The following PJVK variants were observed in gnomAD, a reference collection of about 807,000 sequenced individuals.
PJVK encodes autosomal recessive deafness type 59 protein.
In PJVK, 33 loss-of-function variants were observed where a neutral mutation model predicts 37.6. The ratio of observed to expected loss-of-function variants is 0.88; its 90% CI spans 0.67 to 1.17. The LOEUF is 1.17. Ranked by LOEUF, PJVK falls within the 50% of genes most tolerant of loss-of-function variation. The pLI, the probability that PJVK is intolerant of heterozygous loss-of-function variation, is 0.00. For synonymous variants in PJVK, 141 were observed against 143.5 expected (o/e 0.98, Z 0.13); for missense variants, 410 against 413.8 (o/e 0.99, Z 0.08).
In PJVK at chr2:178,461,870, A is replaced by G. The variant is rs531617479; in HGVS notation, c.*596A>G. ...AGTGCTGGGATTACAGGCATGGGCC[A>G]CCGTGCCTGGCCTAGATAACTTTTT... On this transcript the variant is annotated 3_prime_UTR_variant, in exon 7 of 7. Coordinates refer to ENST00000644580, the MANE Select transcript of PJVK (RefSeq NM_001042702.5). 6.6e-6 allele frequency among the ~76,000 whole-genome samples: 1 copy of G among 152,280 alleles called. No individual in the cohort carries two copies. Among genetic ancestry groups the G allele is most frequent in the African/African-American group, 2.4e-5 (1 of 41,554 alleles).
chr2:178,453,114 G>A, intron 1 of PJVK: 1 of 372,670 alleles, frequency 2.7e-6, no homozygotes, highest in Non-Finnish European at 5.1e-6. Context: ...CATAGACATT[G>A]GTCATATTTT....
chr2:178,458,715 C>T, intron 5 of PJVK, 88 bp downstream of exon 5: 4 of 1,062,678 alleles, frequency 3.8e-6, no homozygotes, highest in Non-Finnish European at 5.9e-6. Flanking sequence ...TCTTTTCTCT[C>T]ATTTCTCGTG....
intron 2 of PJVK, 39 bp from the exon 3 acceptor site, chr2:178,454,293 T>C: frequency 1.3e-6 from 2 of 1,539,688 alleles, no homozygotes; most frequent in Non-Finnish European, 1.8e-6. Context: ...CTACATAAGA[T>C]AAAGATGTTT....
chr2:178,457,404 C>A (rs1684182671), intron 4 of PJVK, among the ~76,000 whole-genome samples: 1 of 152,098 alleles, frequency 6.6e-6, no homozygotes, highest in African/African-American at 2.4e-5. Context: ...CAGCTTGGGA[C>A]CAGGAGTTCA....
chr2:178,459,099 A>G, intron 5 of PJVK: 1 of 467,676 alleles, frequency 2.1e-6, no homozygotes, highest in South Asian at 1.6e-5. Flanking sequence ...ACTCTTCCTA[A>G]AAAATAACTT....
At position 178,454,390 on chromosome 2, in the gene PJVK, A is replaced by C; in HGVS notation, c.270A>C (p.Gly90=). 1 of 1,613,950 alleles carries C rather than the reference A, an allele frequency of 6.2e-7. No homozygotes were observed. Among genetic ancestry groups the C allele is most frequent in the Non-Finnish European group, 8.5e-7 (1 of 1,179,916 alleles). ...ATGAATCAGATGTTTCACTCTATGG[A>C]AGGCGAGGTAACCATATTGTAAATG... ...YEDESDVSLY[G]RRGNHIVNDV... Residue 90 remains glycine (G), a synonymous_variant, in exon 3 of 7, where the codon GGA becomes GGC. Coordinates refer to ENST00000644580, the MANE Select transcript of PJVK (RefSeq NM_001042702.5).
chr2:178,461,232 T>C lies in PJVK; in HGVS notation c.1017T>C (p.His339=). 6.2e-7 allele frequency: 1 copy of C among 1,614,190 alleles called. No individual in the cohort carries two copies. Among genetic ancestry groups the C allele is most frequent in the Non-Finnish European group, 8.5e-7 (1 of 1,180,022 alleles). The stretch of plus-strand genomic sequence containing the variant: ...ATGGTCAGAAGTATGTGAGACTTCA[T>C]GCAGTTCCTTGTTTTGATATTTGGC... ...SVDGQKYVRL[H]AVPCFDIWHK... The change falls in exon 7 of 7, where the codon CAT becomes CAC. Residue 339 remains histidine, a synonymous_variant. Coordinates refer to ENST00000644580, the MANE Select transcript of PJVK (RefSeq NM_001042702.5).
At position 178,461,276 on chromosome 2, in the gene PJVK, A is replaced by C. The variant is rs200811582; in HGVS notation, c.*2A>C. 616 of 1,613,996 alleles carry C rather than the reference A, an allele frequency of 3.8e-4. 7 individuals carry two copies. In the East Asian group the frequency reaches 9.9e-3, roughly 26 times the overall value. ...ATTTGGCACAAGAGGATGAAATAAAATGAAAAATGAATACACCGTGTTGGT... is the reference window on the plus strand; with the variant it reads ...ATTTGGCACAAGAGGATGAAATAAACTGAAAAATGAATACACCGTGTTGGT... On this transcript the variant is annotated 3_prime_UTR_variant, in exon 7 of 7. Coordinates refer to ENST00000644580, the MANE Select transcript of PJVK (RefSeq NM_001042702.5).
At position 178,454,515 on chromosome 2, in the gene PJVK, A is replaced by G. The variant is rs1697928267; in HGVS notation, c.395A>G (p.Glu132Gly). The G allele has an allele frequency of 6.2e-7, 1 of 1,613,666 alleles. No individual in the cohort carries two copies. Among genetic ancestry groups the G allele is most frequent in the African/African-American group, 1.3e-5 (1 of 75,054 alleles). Residue 132 changes from glutamate (E) to glycine (G), a missense_variant, in exon 3 of 7, where the codon GAA becomes GGA. By Grantham distance (98) the Glu-to-Gly change is moderately conservative. Coordinates refer to ENST00000644580, the MANE Select transcript of PJVK (RefSeq NM_001042702.5). ...GTGGAAGTATCAACATTACTCAAAG[A>G]AATTACTACACGGTCAGTATAATAA... ...HEVEVSTLLK[E>G]ITTRKINFDH...
intron 1 of PJVK, chr2:178,452,618 T>TG (rs1177993661): frequency 1.0e-6 from 1 of 985,208 alleles, no homozygotes; most frequent in Non-Finnish European, 1.2e-6. Context: ...GGCCAGAACT[T>TG]TATATAGCTC....
intron 5 of PJVK, among the ~76,000 whole-genome samples, chr2:178,459,468 A>G (rs530080021): frequency 3.9e-5 from 6 of 152,338 alleles, no homozygotes; most frequent in Non-Finnish European, 5.9e-5. Context: ...TGATACGGGC[A>G]TACAGTGCAT....
Position 178,461,557 on chromosome 2 carries a change from G to A in PJVK, c.*283G>A, listed in dbSNP as rs556284667. On this transcript the variant is annotated 3_prime_UTR_variant, in exon 7 of 7. Transcript: ENST00000644580. ...TGCCAGTCACTTTAGAATCATTTTTGGGATGTAGTCTATCATTTTAGTTCA... is the reference window on the plus strand; with the variant it reads ...TGCCAGTCACTTTAGAATCATTTTTAGGATGTAGTCTATCATTTTAGTTCA... 10 of 335,262 alleles carry A rather than the reference G, an allele frequency of 3.0e-5. No individual in the cohort carries two copies. Among genetic ancestry groups the A allele is most frequent in the African/African-American group, 2.0e-4 (9 of 44,638 alleles). The allele number at this position is 335,262 out of a possible 1,614,324, so 20.8% of individuals were successfully genotyped here.
chr2:178,457,093 C>T (rs1229290729), intron 4 of PJVK, among the ~76,000 whole-genome samples: 3 of 152,050 alleles, frequency 2.0e-5, no homozygotes, highest in Non-Finnish European at 4.4e-5. Context: ...CTCAGCCTCC[C>T]GAGTAGCTGG....
chr2:178,452,622 A>T (rs1379883163), intron 1 of PJVK: 1 of 985,282 alleles, frequency 1.0e-6, no homozygotes, highest in Non-Finnish European at 1.2e-6. Context: ...AGAACTTTAT[A>T]TAGCTCTTGT....
At position 178,461,584 on chromosome 2, in the gene PJVK, CT is replaced by C. The variant is rs536141412; in HGVS notation, c.*328del. ...GATGTAGTCTATCATTTTAGTTCACCTTTTTTTTTTTTTTTTTTGAGACAGA... is the reference window on the plus strand; with the variant it reads ...GATGTAGTCTATCATTTTAGTTCACCTTTTTTTTTTTTTTTTTGAGACAGA... On this transcript the variant is annotated 3_prime_UTR_variant, in exon 7 of 7. Coordinates refer to ENST00000644580, the MANE Select transcript of PJVK (RefSeq NM_001042702.5). Among the ~76,000 whole-genome samples the C allele has an allele frequency of 9.0e-3, 1,100 of 122,760 alleles. 8 individuals are homozygous for C. Among genetic ancestry groups the C allele is most frequent in the South Asian group, 0.033 (127 of 3,796 alleles). The allele number at this position is 122,760 out of a possible 152,430, so 80.5% of individuals were successfully genotyped here.
chr2:178,456,318 A>T lies in PJVK; in HGVS notation c.549+167A>T, dbSNP rs914371929. The stretch of plus-strand genomic sequence containing the variant: ...AATGTCTGTTCTAGAATATGAAAAA[A>T]AAAAACAAATCTTGGGATTCTAAAC... On this transcript the variant is annotated intron_variant, in intron 4 of 6. Coordinates refer to ENST00000644580, the MANE Select transcript of PJVK (RefSeq NM_001042702.5). 37 of 826,584 alleles carry T rather than the reference A, an allele frequency of 4.5e-5. 1 individual carries two copies. Among genetic ancestry groups the T allele is most frequent in the Non-Finnish European group, 7.0e-5 (37 of 530,190 alleles). The allele number at this position is 826,584 out of a possible 1,614,324, so 51.2% of individuals were successfully genotyped here.
At chr2:178,460,560 C>T (rs1243423382) in intron 6 of PJVK, 114 bp downstream of exon 6, 3 of 1,045,128 alleles carry the variant, frequency 2.9e-6, no homozygotes, top group Non-Finnish European at 4.3e-6. Flanking sequence ...ATTTAAAAGC[C>T]TGGCTGGTAT....
chr2:178,461,001 C>A lies in PJVK; in HGVS notation c.786C>A (p.Val262=). 6.2e-7 allele frequency: 1 copy of A among 1,613,744 alleles called. No homozygotes were observed. The highest frequency in any genetic ancestry group is 1.1e-5 in the South Asian group (1 of 91,026). The change falls in exon 7 of 7, where the codon GTC becomes GTA. Residue 262 remains valine (V), a synonymous_variant. Transcript: ENST00000644580. ...TTTTAGATAGAAGAGTGATGGATGT[C>A]ATTTCTCGTTCACAGCTTTACTTGG... ...LFERNRRVMD[V]ISRSQLYLDD... is the part of the protein sequence containing the mutation.
chr2:178,458,972 A>G lies in PJVK; in HGVS notation c.667+345A>G, dbSNP rs144571432. Reference sequence around the variant, plus strand: ...TTATAGGTAGTTTTTGATGGTGGCAAACAGAGGAGTAGGTAGATAGTAGGA... The same window carrying G: ...TTATAGGTAGTTTTTGATGGTGGCAGACAGAGGAGTAGGTAGATAGTAGGA... On this transcript the variant is annotated intron_variant, in intron 5 of 6. Coordinates refer to ENST00000644580, the MANE Select transcript of PJVK (RefSeq NM_001042702.5). Among the ~76,000 whole-genome samples the G allele has an allele frequency of 1.4e-3, 218 of 152,314 alleles. 5 individuals are homozygous for G. The South Asian group carries it at 0.022, about 15-fold the overall frequency.
Sources: gnomAD v4.1 joint callset for allele counts (sites outside exome capture counted in the v4.1 genomes callset) on GRCh38, gnomAD v4.1.1 for gene constraint, MANE v1.5 for transcripts, NCBI Gene and HGNC (gene_info 2026-07-23, HGNC 2026-07-21) for gene names.